DYNC2H1: variants seen among roughly 807,000 people sequenced by gnomAD.
The protein encoded by DYNC2H1 is cytoplasmic dynein 2 heavy chain 1.
A neutral mutation model predicts 570.0 loss-of-function variants in DYNC2H1; 410 were observed. The ratio of observed to expected loss-of-function variants is 0.72; its 90% CI spans 0.66 to 0.78. DYNC2H1 has a LOEUF of 0.78. Ranked by LOEUF, DYNC2H1 falls within the 30% of genes least tolerant of loss-of-function variation. The probability of loss-of-function intolerance (pLI) is 0.00; values close to 1 mark genes in which losing one functional copy is unlikely to be tolerated. For missense variants in DYNC2H1, 4,865 were observed against 5,046.4 expected, an observed-to-expected ratio of 0.96 and a Z score of 1.09; for synonymous variants, 1,688 against 1,677.6, an observed-to-expected ratio of 1.01 and a Z score of -0.15.
intron 85 of DYNC2H1, among the ~76,000 whole-genome samples, chr11:103,454,746 C>T (rs1944727331): frequency 6.6e-6 from 1 of 152,140 alleles, no homozygotes; most frequent in African/African-American, 2.4e-5. Context: ...AAAATTATTT[C>T]TTCTTGGACA....
In DYNC2H1 at chr11:103,120,809, C is replaced by A; in HGVS notation, c.1248+7C>A. 6.9e-7 allele frequency: 1 copy of A among 1,439,740 alleles called. No individual in the cohort carries two copies. The highest frequency in any genetic ancestry group is 9.2e-7 in the Non-Finnish European group (1 of 1,089,408). The allele number at this position is 1,439,740 out of a possible 1,614,324, so 89.2% of individuals were successfully genotyped here. A position where few individuals can be genotyped will look rare whatever the true frequency, so the allele number is the denominator to read the frequency against. On this transcript the variant is annotated splice_region_variant and intron_variant, in intron 8 of 88. Coordinates refer to ENST00000375735, the MANE Select transcript of DYNC2H1 (RefSeq NM_001377.3). ...TCAAGACAGTCCACAGCAGGTAAAA[C>A]ATTGAGATATTTCACTTTTAATATT...
At position 103,148,904 on chromosome 11, in the gene DYNC2H1, A is replaced by G. The variant is rs2513999; in HGVS notation, c.2946+287A>G. Among the ~76,000 whole-genome samples the G allele has an allele frequency of 0.78, 119,097 of 151,776 alleles. 47,964 individuals are homozygous for G. Among genetic ancestry groups the G allele is most frequent in the East Asian group, 0.87 (4,468 of 5,146 alleles). ...AAACCCTGTATCTGTTAAAAATACAAAAATTAGCCGGTTGTGGTGGTGGGT... is the reference window on the plus strand; with the variant it reads ...AAACCCTGTATCTGTTAAAAATACAGAAATTAGCCGGTTGTGGTGGTGGGT... On this transcript the variant is annotated intron_variant, in intron 20 of 88. Coordinates refer to ENST00000375735, the MANE Select transcript of DYNC2H1 (RefSeq NM_001377.3).
chr11:103,297,448 A>G (rs977053584), intron 75 of DYNC2H1, among the ~76,000 whole-genome samples: 4 of 152,166 alleles, frequency 2.6e-5, no homozygotes, highest in African/African-American at 9.6e-5. Context: ...AGGCAGTTTC[A>G]TTGTGTGAAT....
At chr11:103,456,104 C>T (rs1944777720) in intron 86 of DYNC2H1, among the ~76,000 whole-genome samples, 171 bp from the exon 87 acceptor site, 1 of 152,086 alleles carries the variant, frequency 6.6e-6, no homozygotes, top group Non-Finnish European at 1.5e-5. Flanking sequence ...TGACAGTTAG[C>T]TTTGAAAATT....
Position 103,261,731 on chromosome 11 carries a change from G to A in DYNC2H1, c.10695+1754G>A, listed in dbSNP as rs893921963. ...AAAGACCAAAGGTAGATAAATCCACGAAGATGAGGAAAAACCAGCGCAAAA... is the reference window on the plus strand; with the variant it reads ...AAAGACCAAAGGTAGATAAATCCACAAAGATGAGGAAAAACCAGCGCAAAA... On this transcript the variant is annotated intron_variant, in intron 70 of 88. Coordinates refer to ENST00000375735, the MANE Select transcript of DYNC2H1 (RefSeq NM_001377.3). This position sits in a 1 kb window ranked among gnomAD's most constrained non-coding sequence, Gnocchi z 4.8. Among the ~76,000 whole-genome samples, 4 of 152,162 alleles carry A rather than the reference G, an allele frequency of 2.6e-5. No individual in the cohort carries two copies. The highest frequency in any genetic ancestry group is 7.2e-5 in the African/African-American group (3 of 41,460).
chr11:103,283,051 A>T lies in DYNC2H1; in HGVS notation c.10856A>T (p.Asp3619Val), dbSNP rs370414127. Residue 3619 changes from aspartate to valine, a missense_variant, in exon 73 of 89, where the codon GAT (aspartate) becomes GTT (valine). This residue lies in a region of DYNC2H1 where 2,401 missense variants were observed against 2,454.6 expected (regional missense o/e 0.98). Coordinates refer to ENST00000375735, the MANE Select transcript of DYNC2H1 (RefSeq NM_001377.3). The stretch of plus-strand genomic sequence containing the variant: ...CGTGATCAGCTTCCGTCTTGGATAG[A>T]TCAGGAACGAAGCTGGGCCGTGGCA... ...KIRDQLPSWIDQERSWAVATL... is the reference protein window; with the variant it reads ...KIRDQLPSWIVQERSWAVATL... The T allele has an allele frequency of 3.2e-5, 52 of 1,608,896 alleles. No homozygotes were observed. Among genetic ancestry groups the T allele is most frequent in the Non-Finnish European group, 4.3e-5 (51 of 1,177,198 alleles).
At chr11:103,109,933 C>T (rs1355026651) in intron 1 of DYNC2H1, among the ~76,000 whole-genome samples, 164 bp downstream of exon 1, 4 of 152,182 alleles carry the variant, frequency 2.6e-5, no homozygotes, top group Non-Finnish European at 5.9e-5. Context: ...ATGCGTTGGC[C>T]TCGTGCTTAA....
chr11:103,435,844 G>A (rs1360386885), intron 84 of DYNC2H1, 99 bp from the exon 85 acceptor site: 2 of 1,149,014 alleles, frequency 1.7e-6, no homozygotes, highest in Non-Finnish European at 2.5e-6. Context: ...ATGTATATGT[G>A]AATTATGCCA....
At chr11:103,419,725 TCTC>T (rs1943413942) in intron 84 of DYNC2H1, among the ~76,000 whole-genome samples, 1 of 152,134 alleles carries the variant, frequency 6.6e-6, no homozygotes. Flanking sequence ...GAGTGCCTCT[TCTC>T]CTCCAAATGA....
intron 83 of DYNC2H1, among the ~76,000 whole-genome samples, chr11:103,367,519 A>G (rs896657978): frequency 4.2e-4 from 64 of 152,082 alleles, no homozygotes; most frequent in Admixed American, 2.0e-4. Flanking sequence ...GTTTAAATAC[A>G]TATATGTTGT....
intron 1 of DYNC2H1, among the ~76,000 whole-genome samples, chr11:103,112,381 T>A: frequency 6.6e-6 from 1 of 152,192 alleles, no homozygotes; most frequent in South Asian, 2.1e-4. Flanking sequence ...AAGAGAGAGC[T>A]GTGATCTGGT....
intron 83 of DYNC2H1, among the ~76,000 whole-genome samples, chr11:103,367,399 T>C (rs776389700): frequency 4.6e-5 from 7 of 152,156 alleles, no homozygotes; most frequent in Non-Finnish European, 7.4e-5. Flanking sequence ...AGGTCACTTT[T>C]GTCTTATTTA....
rs551345731 is a variant in DYNC2H1 at position 103,275,901 on chromosome 11, A to C, written c.10696-4447A>C. Reference sequence around the variant, plus strand: ...TACCAAGGAAGGCAATTTCTGGATCATATGGTAAGAATATGTTTTGTTTTG... The same window carrying C: ...TACCAAGGAAGGCAATTTCTGGATCCTATGGTAAGAATATGTTTTGTTTTG... On this transcript the variant is annotated intron_variant, in intron 70 of 88. Coordinates refer to ENST00000375735, the MANE Select transcript of DYNC2H1 (RefSeq NM_001377.3). This position sits in a 1 kb window ranked among gnomAD's most constrained non-coding sequence, Gnocchi z 4.8. 3.9e-5 allele frequency among the ~76,000 whole-genome samples: 6 copies of C among 152,324 alleles called. No individual in the cohort carries two copies. The highest frequency in any genetic ancestry group is 7.4e-5 in the Non-Finnish European group (5 of 68,024).
intron 85 of DYNC2H1, among the ~76,000 whole-genome samples, chr11:103,450,894 T>C (rs1404745696): frequency 1.3e-5 from 2 of 152,222 alleles, no homozygotes; most frequent in Non-Finnish European, 2.9e-5. Context: ...TATTTTTCTA[T>C]GTATTTAAAT....
chr11:103,253,478 G>T, intron 66 of DYNC2H1, 30 bp downstream of exon 66: 1 of 1,568,816 alleles, frequency 6.4e-7, no homozygotes, highest in Non-Finnish European at 8.7e-7. Context: ...ATTTACCTTG[G>T]AATCTTTTCG....
At position 103,186,377 on chromosome 11, in the gene DYNC2H1, G is replaced by A. The variant is rs199897162; in HGVS notation, c.6769G>A (p.Gly2257Ser). ...CTTGACTGCTGATGATTTCAGTAAC[G>A]GCTTAACTCTTCCAGTCATTCAGAC... ...EDLTADDFSN[G>S]LTLPVIQTPD... The change falls in exon 42 of 89, where the codon GGC becomes AGC. Residue 2257 changes from glycine to serine, a missense_variant. By Grantham distance (56) the Gly-to-Ser change is moderately conservative (BLOSUM62 0). Transcript: ENST00000375735. This position sits in a 1 kb window ranked among gnomAD's most constrained non-coding sequence, Gnocchi z 4.5. 6.7e-4 allele frequency: 1,074 copies of A among 1,612,692 alleles called. No homozygotes were observed. The highest frequency in any genetic ancestry group is 8.4e-4 in the Non-Finnish European group (994 of 1,179,172).
chr11:103,429,134 G>A lies in DYNC2H1; in HGVS notation c.12367-6809G>A, dbSNP rs146012998. Among the ~76,000 whole-genome samples, 760 of 152,056 alleles carry A rather than the reference G, an allele frequency of 5.0e-3. 6 individuals are homozygous for A. Among genetic ancestry groups the A allele is most frequent in the African/African-American group, 0.017 (725 of 41,494 alleles). On this transcript the variant is annotated intron_variant, in intron 84 of 88. Transcript: ENST00000375735. ...AATTTAGCCAGGTATGGTGGTGGGTGCCTGTAGTTCCAGCTACTCGGGAGA... is the reference window on the plus strand; with the variant it reads ...AATTTAGCCAGGTATGGTGGTGGGTACCTGTAGTTCCAGCTACTCGGGAGA...
At position 103,135,534 on chromosome 11, in the gene DYNC2H1, T is replaced by A. The variant is rs1488045515; in HGVS notation, c.2245T>A (p.Trp749Arg). The change falls in exon 16 of 89, where the codon TGG becomes AGG. Residue 749 changes from tryptophan (W) to arginine (R), a missense_variant. Trp to Arg is a moderately radical substitution (Grantham distance 101). Around this residue, in one of 5 missense-constraint regions of DYNC2H1, gnomAD observed 1,936 missense variants for 1,962.1 expected, o/e 0.99. Coordinates refer to ENST00000375735, the MANE Select transcript of DYNC2H1 (RefSeq NM_001377.3). ...ASDMHAWKQH[W>R]NHQLYKALEH... ...TGACATGCATGCATGGAAACAACAC[T>A]GGAATCATCAACTGTACAAAGCTCT... 4 of 1,602,692 alleles carry A rather than the reference T, an allele frequency of 2.5e-6. No individual in the cohort carries two copies. Among genetic ancestry groups the A allele is most frequent in the Non-Finnish European group, 3.4e-6 (4 of 1,175,810 alleles).
chr11:103,243,897 G>A lies in DYNC2H1; in HGVS notation c.9918+106G>A, dbSNP rs1864512835. The A allele has an allele frequency of 2.8e-6, 2 of 712,724 alleles. No homozygotes were observed. Among genetic ancestry groups the A allele is most frequent in the African/African-American group, 1.8e-5 (1 of 54,664 alleles). The allele number at this position is 712,724 out of a possible 1,614,324, so 44.1% of individuals were successfully genotyped here. On this transcript the variant is annotated intron_variant, in intron 64 of 88. Coordinates refer to ENST00000375735, the MANE Select transcript of DYNC2H1 (RefSeq NM_001377.3). The surrounding 1 kb of genome is among the most constrained non-coding windows in gnomAD (Gnocchi z 4.8). ...CATAGATTCAACACTGGGTCCTACTGTATGGGACCTTGGGCGAGAGATATA... is the reference window on the plus strand; with the variant it reads ...CATAGATTCAACACTGGGTCCTACTATATGGGACCTTGGGCGAGAGATATA...
Sources: gnomAD v4.1 joint callset for allele counts (sites outside exome capture counted in the v4.1 genomes callset) on GRCh38, gnomAD v4.1.1 for gene constraint, gnomAD v4.1.1 regional missense constraint, Gnocchi (gnomAD v3.1) non-coding constraint, MANE v1.5 for transcripts, NCBI Gene and HGNC (gene_info 2026-07-23, HGNC 2026-07-21) for gene names.